PCDH7: variants seen among roughly 807,000 people sequenced by gnomAD.
PCDH7 encodes protocadherin 7.
A neutral mutation model predicts 58.9 loss-of-function variants in PCDH7; 17 were observed. That is an observed-to-expected ratio of 0.29 (90% confidence interval 0.20 to 0.43). The LOEUF is 0.43. Among genes scored for constraint, PCDH7 ranks in the 20% least tolerant of loss-of-function variants. The pLI, the probability that PCDH7 is intolerant of heterozygous loss-of-function variation, is 1.00. For synonymous variants in PCDH7, 664 were observed against 616.4 expected, an observed-to-expected ratio of 1.08 and a Z score of -1.14; for missense variants, 1,274 against 1,441.0, an observed-to-expected ratio of 0.88 and a Z score of 1.88.
chr4:31,015,630 T>C lies in PCDH7; in HGVS notation c.*7+65415T>C, dbSNP rs546919523. Among the ~76,000 whole-genome samples, 5 of 152,294 alleles carry C rather than the reference T, an allele frequency of 3.3e-5. No homozygotes were observed. In the South Asian group the frequency reaches 6.2e-4, roughly 19 times the overall value. On this transcript the variant is annotated intron_variant, in intron 3 of 3. Coordinates refer to the PCDH7 transcript ENST00000509759. Reference sequence around the variant, plus strand: ...ACCCAGAATCTGTCTCTGAACTCCCTCATAAGCCTTTACCCATGTCTGCAT... The same window carrying C: ...ACCCAGAATCTGTCTCTGAACTCCCCCATAAGCCTTTACCCATGTCTGCAT...
intron 1 of PCDH7, among the ~76,000 whole-genome samples, chr4:30,811,245 AGT>A (rs758087319): frequency 2.6e-5 from 4 of 152,196 alleles, no homozygotes; most frequent in Non-Finnish European, 5.9e-5. Context: ...GGCAAAGATA[AGT>A]TTAATTGTAT....
chr4:30,850,549 G>C (rs1423019883), intron 1 of PCDH7, among the ~76,000 whole-genome samples: 1 of 152,006 alleles, frequency 6.6e-6, no homozygotes, highest in African/African-American at 2.4e-5. Context: ...TAGGTGGAGG[G>C]GGGAGGGGGT....
chr4:31,093,607 C>CACACACACAT (rs33938318), intron 3 of PCDH7, among the ~76,000 whole-genome samples: 1 of 151,700 alleles, frequency 6.6e-6, no homozygotes, highest in South Asian at 2.1e-4. Flanking sequence ...CACACACACA[C>CACACACACAT]ATTACTTGAA....
chr4:30,761,523 T>A lies in PCDH7; in HGVS notation c.70+36927T>A, dbSNP rs1577694171. On this transcript the variant is annotated intron_variant, in intron 1 of 3. Transcript: ENST00000509759. Reference sequence around the variant, plus strand: ...AAAATTATTAATGAGATATTTTATATCCTTTTAAAAATTTAATCTTCAAAA... The same window carrying A: ...AAAATTATTAATGAGATATTTTATAACCTTTTAAAAATTTAATCTTCAAAA... Among the ~76,000 whole-genome samples the A allele has an allele frequency of 3.3e-5, 5 of 152,296 alleles. No homozygotes were observed. The Middle Eastern group carries it at 0.017, about 518-fold the overall frequency.
chr4:30,746,092 G>T (rs1313912340), intron 1 of PCDH7, among the ~76,000 whole-genome samples: 1 of 152,152 alleles, frequency 6.6e-6, no homozygotes, highest in Non-Finnish European at 1.5e-5. Flanking sequence ...GCCTCCAAAA[G>T]TGCTGGGATT....
At chr4:30,944,485 T>C (rs1746438960) in intron 2 of PCDH7, among the ~76,000 whole-genome samples, 2 of 152,170 alleles carry the variant, frequency 1.3e-5, no homozygotes, top group African/African-American at 4.8e-5. Context: ...CTATAATTTT[T>C]AAAGTGTAAA....
At chr4:30,738,759 A>G (rs1716655995) in intron 1 of PCDH7, among the ~76,000 whole-genome samples, 1 of 152,152 alleles carries the variant, frequency 6.6e-6, no homozygotes, top group Non-Finnish European at 1.5e-5. Context: ...AATGAAAAGC[A>G]ATAGGAGTTA....
chr4:30,889,987 T>C (rs944586455), intron 1 of PCDH7, among the ~76,000 whole-genome samples: 2 of 152,180 alleles, frequency 1.3e-5, no homozygotes, highest in Non-Finnish European at 2.9e-5. Flanking sequence ...GACAATTGGA[T>C]AAGTGCAATA....
At chr4:30,752,783 C>CAAAAAA (rs35860745) in intron 1 of PCDH7, among the ~76,000 whole-genome samples, 4 of 99,520 alleles carry the variant, frequency 4.0e-5, no homozygotes, top group African/African-American at 7.5e-5. Context: ...CCTGTAGGGG[C>CAAAAAA]AAAAAAAAAA....
At chr4:30,838,017 G>A (rs77847445) in intron 1 of PCDH7, among the ~76,000 whole-genome samples, 7,182 of 151,394 alleles carry the variant, frequency 0.047, 572 homozygotes, top group African/African-American at 0.16. Flanking sequence ...CCAAAATATT[G>A]TAGCGAAATA....
downstream of PCDH7, among the ~76,000 whole-genome samples, chr4:30,734,739 G>A (rs1716011118): frequency 3.9e-5 from 6 of 152,276 alleles, no homozygotes; most frequent in South Asian, 1.0e-3. Context: ...GGGCTTAGAG[G>A]AGGCACTCAT....
chr4:30,942,577 A>T (rs547577504), intron 2 of PCDH7, among the ~76,000 whole-genome samples: 22 of 152,150 alleles, frequency 1.4e-4, no homozygotes, highest in African/African-American at 5.1e-4. Context: ...TGGCATGATG[A>T]TGGTGCATTC....
At chr4:31,027,515 C>T (rs1482238874) in intron 3 of PCDH7, among the ~76,000 whole-genome samples, 1 of 152,046 alleles carries the variant, frequency 6.6e-6, no homozygotes, top group Non-Finnish European at 1.5e-5. Flanking sequence ...CTCCGCCTCC[C>T]AGGTTCAAGG....
chr4:30,919,983 G>C (rs1455596507), intron 1 of PCDH7, among the ~76,000 whole-genome samples, 170 bp from the exon 2 acceptor site: 1 of 152,060 alleles, frequency 6.6e-6, no homozygotes, highest in African/African-American at 2.4e-5. Flanking sequence ...CTAAGCTCTA[G>C]ACATTGCCTT....
rs200644901 is a variant in PCDH7, at chr4:30,841,274, A to G, written c.71-78879A>G. On this transcript the variant is annotated intron_variant, in intron 1 of 3. Coordinates refer to the PCDH7 transcript ENST00000509759. ...CACTTATTTTACCTTAAGACTTCAC[A>G]ATTTGCTTCCTAGTAATATATTTTT... Among the ~76,000 whole-genome samples, 26 of 152,230 alleles carry G rather than the reference A, an allele frequency of 1.7e-4. No homozygotes were observed. In the East Asian group the frequency reaches 5.0e-3, roughly 29 times the overall value.
chr4:30,983,539 A>G (rs547163761), intron 3 of PCDH7, among the ~76,000 whole-genome samples: 29 of 152,360 alleles, frequency 1.9e-4, no homozygotes, highest in African/African-American at 7.0e-4. Flanking sequence ...GAAAAAGAGC[A>G]TACTTATACA....
chr4:30,964,246 A>ATTTT (rs1403767312), intron 3 of PCDH7, among the ~76,000 whole-genome samples: 91 of 48,980 alleles, frequency 1.9e-3, no homozygotes, highest in Admixed American at 6.6e-3. Flanking sequence ...TTATTTATTT[A>ATTTT]TTTATTTTTT....
At chr4:31,046,272 C>T (rs950279953) in intron 3 of PCDH7, among the ~76,000 whole-genome samples, 5 of 152,048 alleles carry the variant, frequency 3.3e-5, no homozygotes, top group South Asian at 4.1e-4. Context: ...AGTTATCTTA[C>T]TTTTCACCAT....
intron 3 of PCDH7, among the ~76,000 whole-genome samples, chr4:31,046,381 C>A (rs1756288415): frequency 6.6e-6 from 1 of 151,892 alleles, no homozygotes; most frequent in Admixed American, 6.6e-5. Context: ...AATGACTTCT[C>A]TTCTTGGGTT....
Sources: gnomAD v4.1 joint callset for allele counts (sites outside exome capture counted in the v4.1 genomes callset) on GRCh38, gnomAD v4.1.1 for gene constraint, MANE v1.5 for transcripts, NCBI Gene and HGNC (gene_info 2026-07-23, HGNC 2026-07-21) for gene names.